TYW1B: variants seen among roughly 807,000 people sequenced by gnomAD.
The protein encoded by TYW1B is tRNA-yW synthesizing protein 1 homolog B.
TYW1B carries 73 observed loss-of-function variants against 86.9 expected under a neutral mutation model. That is an observed-to-expected ratio of 0.84 (90% CI 0.70 to 1.02). The LOEUF is 1.02. TYW1B is among the 50% of genes least tolerant of loss of function. TYW1B has a pLI of 0.00. For synonymous variants in TYW1B, 248 were observed against 292.8 expected, an observed-to-expected ratio of 0.85 and a Z score of 1.56; for missense variants, 637 against 827.4, an observed-to-expected ratio of 0.77 and a Z score of 2.82.
chr7:72,706,046 A>C (rs1554453597), intron 10 of TYW1B, among the ~76,000 whole-genome samples: 1 of 152,234 alleles, frequency 6.6e-6, no homozygotes, highest in African/African-American at 2.4e-5. Flanking sequence ...TACAGGGACC[A>C]GGAAATAATG....
At chr7:72,603,863 T>C (rs1342531283) in intron 13 of TYW1B, among the ~76,000 whole-genome samples, 1 of 151,774 alleles carries the variant, frequency 6.6e-6, no homozygotes, top group African/African-American at 2.4e-5. Flanking sequence ...GCTATCAAGG[T>C]CATCAAAAAT....
At chr7:72,600,668 A>G (rs1811643317) in intron 13 of TYW1B, among the ~76,000 whole-genome samples, 1 of 152,202 alleles carries the variant, frequency 6.6e-6, no homozygotes. Flanking sequence ...AAAATAACCA[A>G]CTACCAGCCT....
At chr7:72,696,606 T>C (rs1297539085) in intron 10 of TYW1B, among the ~76,000 whole-genome samples, 2 of 152,176 alleles carry the variant, frequency 1.3e-5, no homozygotes, top group Non-Finnish European at 2.9e-5. Flanking sequence ...TTTCTTTTTA[T>C]CCAGCCACAC....
chr7:72,709,496 G>A (rs1409955835), intron 10 of TYW1B, among the ~76,000 whole-genome samples: 7 of 134,226 alleles, frequency 5.2e-5, no homozygotes, highest in African/African-American at 1.6e-4. Context: ...TGAAACCCCT[G>A]TCTCTACTAA....
At chr7:72,765,658 G>T (rs1212774805) in intron 7 of TYW1B, among the ~76,000 whole-genome samples, 2 of 152,104 alleles carry the variant, frequency 1.3e-5, no homozygotes, top group Non-Finnish European at 2.9e-5. Flanking sequence ...TAGAGATGGG[G>T]TTTCACAATG....
intron 11 of TYW1B, among the ~76,000 whole-genome samples, chr7:72,670,277 C>T (rs1199828195): frequency 6.6e-6 from 1 of 152,190 alleles, no homozygotes; most frequent in Non-Finnish European, 1.5e-5. Context: ...CTGCAACCTC[C>T]GCCTCCAAGG....
chr7:72,810,351 T>A, intron 4 of TYW1B, 120 bp downstream of exon 4: 1 of 988,054 alleles, frequency 1.0e-6, no homozygotes, highest in Non-Finnish European at 1.5e-6. Flanking sequence ...TTATTTCACA[T>A]ACATGTGTGT....
At chr7:72,690,368 C>T (rs1814117747) in intron 11 of TYW1B, among the ~76,000 whole-genome samples, 2 of 152,224 alleles carry the variant, frequency 1.3e-5, no homozygotes, top group African/African-American at 4.8e-5. Flanking sequence ...ACATTTTTTA[C>T]TCTGGTATCT....
At chr7:72,786,402 CA>C (rs782121050) in intron 6 of TYW1B, among the ~76,000 whole-genome samples, 31 of 151,824 alleles carry the variant, frequency 2.0e-4, no homozygotes, top group Non-Finnish European at 4.3e-4. Context: ...TCATAAAGCC[CA>C]AAATCATTTC....
chr7:72,666,889 A>G (rs765846892), intron 11 of TYW1B, among the ~76,000 whole-genome samples: 35 of 151,690 alleles, frequency 2.3e-4, no homozygotes, highest in Non-Finnish European at 4.0e-4. Flanking sequence ...AAAATTAGCC[A>G]GGCGTGGTGG....
intron 11 of TYW1B, among the ~76,000 whole-genome samples, chr7:72,667,015 G>A (rs1487680079): frequency 5.1e-5 from 5 of 97,352 alleles, no homozygotes; most frequent in African/African-American, 2.0e-4. Flanking sequence ...CTGGGAGAGA[G>A]AGCGAGACTC....
chr7:72,605,444 C>T (rs1447104370), intron 13 of TYW1B, among the ~76,000 whole-genome samples: 1 of 151,774 alleles, frequency 6.6e-6, no homozygotes, highest in Non-Finnish European at 1.5e-5. Context: ...ATCTCCGCCT[C>T]CCTGGTTGAA....
intron 7 of TYW1B, among the ~76,000 whole-genome samples, chr7:72,748,185 C>T (rs1316142474): frequency 1.3e-5 from 2 of 151,968 alleles, no homozygotes; most frequent in Admixed American, 1.3e-4. Context: ...AGGAGAATGG[C>T]GGGAACCTGG....
chr7:72,759,350 C>T (rs1467426514), intron 7 of TYW1B, among the ~76,000 whole-genome samples: 2 of 152,104 alleles, frequency 1.3e-5, no homozygotes, highest in East Asian at 1.9e-4. Flanking sequence ...TTTAAAAAAG[C>T]TACTAGGGTG....
At chr7:72,661,361 G>T (rs1813326850) in intron 11 of TYW1B, among the ~76,000 whole-genome samples, 2 of 151,668 alleles carry the variant, frequency 1.3e-5, no homozygotes, top group African/African-American at 4.8e-5. Context: ...GGTTTCTTGA[G>T]CCCAGTGGAC....
intron 2 of TYW1B, among the ~76,000 whole-genome samples, chr7:72,824,233 A>G (rs1252536675): frequency 6.6e-6 from 1 of 152,176 alleles, no homozygotes; most frequent in Non-Finnish European, 1.5e-5. Context: ...CCACAAAAAT[A>G]ACAGACCTTG....
intron 12 of TYW1B, among the ~76,000 whole-genome samples, chr7:72,626,790 T>A (rs1370044774): frequency 9.9e-5 from 15 of 152,022 alleles, no homozygotes; most frequent in Non-Finnish European, 1.8e-4. Context: ...TTGCTTGGAC[T>A]AACCACTCAC....
chr7:72,622,227 A>C (rs181918251), intron 12 of TYW1B, among the ~76,000 whole-genome samples: 82 of 152,342 alleles, frequency 5.4e-4, no homozygotes, highest in Non-Finnish European at 1.0e-3. Flanking sequence ...AGCCTAATGA[A>C]GCTAAGATAC....
At chr7:72,580,323 G>A (rs1811123397) in intron 13 of TYW1B, among the ~76,000 whole-genome samples, 1 of 152,174 alleles carries the variant, frequency 6.6e-6, no homozygotes, top group Admixed American at 6.5e-5. Flanking sequence ...AGCGCTGAGA[G>A]ACAGCTGCAT....
Sources: gnomAD v4.1 joint callset for allele counts (sites outside exome capture counted in the v4.1 genomes callset) on GRCh38, gnomAD v4.1.1 for gene constraint, MANE v1.5 for transcripts, NCBI Gene and HGNC (gene_info 2026-07-23, HGNC 2026-07-21) for gene names.